Variants in PPP1R13B observed in about 807,000 individuals in gnomAD.
PPP1R13B encodes protein phosphatase 1 regulatory subunit 13B, also known as apoptosis-stimulating of p53 protein 1.
Under a neutral mutation model 119.8 loss-of-function variants are expected in PPP1R13B, and 44 were observed. That is an observed-to-expected ratio of 0.37 (90% confidence interval 0.29 to 0.47). The LOEUF is 0.47. Among genes scored for constraint, PPP1R13B ranks in the 20% least tolerant of loss-of-function variants. The probability of loss-of-function intolerance (pLI) is 0.99; values close to 1 mark genes in which losing one functional copy is unlikely to be tolerated. For synonymous variants in PPP1R13B, 542 were observed against 561.5 expected (o/e 0.97, Z 0.49); for missense variants, 1,227 against 1,413.5 (o/e 0.87, Z 2.12).
At chr14:103,786,151 C>A (rs2085456564) in intron 2 of PPP1R13B, among the ~76,000 whole-genome samples, 1 of 152,066 alleles carries the variant, frequency 6.6e-6, no homozygotes, top group Non-Finnish European at 1.5e-5. Context: ...GCGATCCTCC[C>A]ACCTCAGCCT....
chr14:103,838,237 C>CAT (rs2086823695), intron 1 of PPP1R13B, among the ~76,000 whole-genome samples: 1 of 150,240 alleles, frequency 6.7e-6, no homozygotes, highest in African/African-American at 2.5e-5. Context: ...CACACACACA[C>CAT]AGACACACAC....
chr14:103,776,871 CAA>C (rs202043897), intron 4 of PPP1R13B, among the ~76,000 whole-genome samples: 17 of 101,598 alleles, frequency 1.7e-4, no homozygotes, highest in Non-Finnish European at 1.5e-4. Flanking sequence ...GACTCTGCCT[CAA>C]AAAAAAAAAA....
At chr14:103,836,880 A>C (rs961553272) in intron 1 of PPP1R13B, among the ~76,000 whole-genome samples, 2 of 152,158 alleles carry the variant, frequency 1.3e-5, no homozygotes, top group Non-Finnish European at 2.9e-5. Context: ...TATGCTCTAC[A>C]CTTTCACATC....
intron 1 of PPP1R13B, among the ~76,000 whole-genome samples, chr14:103,811,621 G>A (rs8013637): frequency 0.38 from 58,205 of 151,980 alleles, 11,307 homozygotes; most frequent in Non-Finnish European, 0.41. Context: ...CCAGAAGGTC[G>A]AGGCTGCAGT....
intron 1 of PPP1R13B, among the ~76,000 whole-genome samples, chr14:103,845,617 A>AT (rs1343832738): frequency 6.6e-6 from 1 of 152,216 alleles, no homozygotes; most frequent in Admixed American, 6.5e-5. Context: ...GTCTGAATGA[A>AT]TCATATGGAA....
chr14:103,738,062 A>T lies in PPP1R13B; in HGVS notation c.2865-202T>A, dbSNP rs967275270. Among the ~76,000 whole-genome samples, 3 of 152,250 alleles carry T rather than the reference A, an allele frequency of 2.0e-5. No individual in the cohort carries two copies. The highest frequency in any genetic ancestry group is 2.9e-5 in the Non-Finnish European group (2 of 68,040). The stretch of plus-strand genomic sequence containing the variant: ...TACATTTTGAAAAGGGGGCACAGGG[A>T]ATGGGTTAAGAAATGGCCAATCCAC... On this transcript the variant is annotated intron_variant, in intron 14 of 16. Coordinates refer to ENST00000202556, the MANE Select transcript of PPP1R13B (RefSeq NM_015316.3). This position sits in a 1 kb window ranked among gnomAD's most constrained non-coding sequence, Gnocchi z 5.6.
intron 1 of PPP1R13B, among the ~76,000 whole-genome samples, chr14:103,822,875 T>C (rs549216774): frequency 1.3e-5 from 2 of 152,200 alleles, no homozygotes; most frequent in Admixed American, 1.3e-4. Flanking sequence ...AAAAGAACCA[T>C]TTATGACATG....
At chr14:103,735,982 G>C in intron 16 of PPP1R13B, 21 bp downstream of exon 16, 3 of 1,613,408 alleles carry the variant, frequency 1.9e-6, no homozygotes, top group Non-Finnish European at 2.5e-6. Flanking sequence ...TAGTTTCCCA[G>C]TAAGTAACCT....
chr14:103,783,213 C>CT (rs35583523), intron 3 of PPP1R13B, among the ~76,000 whole-genome samples: 44,514 of 151,076 alleles, frequency 0.29, 6,973 homozygotes, highest in Non-Finnish European at 0.35. Context: ...TATCTTTTGA[C>CT]TTTTTTTTTA....
At chr14:103,803,577 A>G (rs975932451) in intron 1 of PPP1R13B, among the ~76,000 whole-genome samples, 1 of 152,190 alleles carries the variant, frequency 6.6e-6, no homozygotes, top group African/African-American at 2.4e-5. Context: ...CGGGAGGTGG[A>G]GCTTGCAGGG....
In PPP1R13B at chr14:103,738,862, C is replaced by A. The variant is rs1459390217; in HGVS notation, c.2730+24G>T. Reference sequence around the variant, plus strand: ...CCATCCCCTCGCCCCCAGCAGCGTGCACTGGTCCCCGGCTGCAGCTCACCT... The same window carrying A: ...CCATCCCCTCGCCCCCAGCAGCGTGAACTGGTCCCCGGCTGCAGCTCACCT... On this transcript the variant is annotated intron_variant, in intron 13 of 16. Coordinates refer to ENST00000202556, the MANE Select transcript of PPP1R13B (RefSeq NM_015316.3). This position sits in a 1 kb window ranked among gnomAD's most constrained non-coding sequence, Gnocchi z 5.6. 1 of 1,613,052 alleles carries A rather than the reference C, an allele frequency of 6.2e-7. No individual in the cohort carries two copies. Among genetic ancestry groups the A allele is most frequent in the African/African-American group, 1.3e-5 (1 of 74,928 alleles).
At chr14:103,739,218 GAGAGCC>G in intron 12 of PPP1R13B, 195 bp from the exon 13 acceptor site, 4 of 657,382 alleles carry the variant, frequency 6.1e-6, no homozygotes, top group Admixed American at 3.0e-5. Context: ...CACTACAAGG[GAGAGCC>G]CTGTCTGAGG....
intron 4 of PPP1R13B, among the ~76,000 whole-genome samples, chr14:103,765,373 T>C (rs554882745): frequency 5.3e-4 from 80 of 152,324 alleles, no homozygotes; most frequent in African/African-American, 1.9e-3. Context: ...TCGTTCCTTT[T>C]TGCACTTAGT....
At position 103,784,813 on chromosome 14, in the gene PPP1R13B, T is replaced by G. The variant is rs199815035; in HGVS notation, c.259A>C (p.Thr87Pro). 2 of 1,609,134 alleles carry G rather than the reference T, an allele frequency of 1.2e-6. No homozygotes were observed. Among genetic ancestry groups the G allele is most frequent in the Non-Finnish European group, 1.7e-6 (2 of 1,176,376 alleles). ...TATCTACCTTGTTCACTGTTCTCAG[T>G]TGGGGAGTCCTCGTGTCGAAGGAAA... ...KFFLRHEDSP[T>P]ENSEQGGRQT... is the part of the protein sequence containing the mutation. The change falls in exon 3 of 17, where the codon ACT becomes CCT. Residue 87 changes from threonine to proline, a missense_variant. Transcript: ENST00000202556.
chr14:103,793,080 G>T (rs1399833837), intron 2 of PPP1R13B, among the ~76,000 whole-genome samples: 1 of 133,712 alleles, frequency 7.5e-6, no homozygotes, highest in Non-Finnish European at 1.6e-5. Context: ...ATAGAAAAGG[G>T]GAAGGGAAGG....
intron 1 of PPP1R13B, among the ~76,000 whole-genome samples, chr14:103,838,342 G>C (rs1208716118): frequency 6.6e-6 from 1 of 151,926 alleles, no homozygotes; most frequent in African/African-American, 2.4e-5. Flanking sequence ...TCAATCACTG[G>C]GCTAAACGGC....
chr14:103,797,079 C>A (rs1187983936), intron 2 of PPP1R13B, among the ~76,000 whole-genome samples: 3 of 134,694 alleles, frequency 2.2e-5, no homozygotes, highest in Non-Finnish European at 3.1e-5. Flanking sequence ...GCCTGGGAGA[C>A]AGAGTGAGAT....
intron 1 of PPP1R13B, among the ~76,000 whole-genome samples, chr14:103,839,272 A>G (rs1173535368): frequency 6.6e-6 from 1 of 151,884 alleles, no homozygotes; most frequent in African/African-American, 2.4e-5. Context: ...TCAGCCTCCC[A>G]AAGTGCTGGG....
chr14:103,838,013 G>A (rs140827706), intron 1 of PPP1R13B, among the ~76,000 whole-genome samples: 1,924 of 152,220 alleles, frequency 0.013, 41 homozygotes, highest in African/African-American at 0.043. Context: ...CAGCTCCTCG[G>A]GAGGCTGAGG....
Sources: allele counts gnomAD v4.1 joint callset (sites outside exome capture counted in the v4.1 genomes callset), GRCh38; gene constraint gnomAD v4.1.1; non-coding constraint Gnocchi (gnomAD v3.1); transcripts MANE v1.5; gene names NCBI Gene and HGNC (gene_info 2026-07-23, HGNC 2026-07-21).